The following WDR75 variants were observed in gnomAD, a reference collection of about 807,000 sequenced individuals.
WDR75 encodes WD repeat-containing protein 75.
WDR75 carries 52 observed loss-of-function variants against 106.1 expected under a neutral mutation model. The observed-to-expected ratio is 0.49, with a 90% confidence interval of 0.39 to 0.62. The LOEUF (loss-of-function observed/expected upper bound fraction) is 0.62, where lower values mean the gene tolerates loss of function less well. WDR75 is among the 20% of genes least tolerant of loss of function. The probability of loss-of-function intolerance (pLI) is 0.00; values close to 1 mark genes in which losing one functional copy is unlikely to be tolerated. For synonymous variants in WDR75, 333 were observed against 335.5 expected (o/e 0.99, Z 0.08); for missense variants, 905 against 970.3 (o/e 0.93, Z 0.89).
intron 8 of WDR75, among the ~76,000 whole-genome samples, chr2:189,461,568 T>C (rs1686883570): frequency 6.6e-6 from 1 of 152,204 alleles, no homozygotes; most frequent in Non-Finnish European, 1.5e-5. Flanking sequence ...TCTAATTGAC[T>C]TGCTAGTATT....
Position 189,467,557 on chromosome 2 carries a change from C to T in WDR75, c.1537C>T (p.Leu513=), listed in dbSNP as rs954903398. The stretch of plus-strand genomic sequence containing the variant: ...TTGTTTCTCCGAAGATGGTTCTTTA[C>T]TAGCAGTTAGTTTTGAGGAAATAGT... ...NCCFSEDGSL[L]AVSFEEIVTI... is the part of the protein sequence containing the mutation. The change falls in exon 14 of 21, where the codon CTA becomes TTA. Residue 513 remains leucine, a synonymous_variant. Coordinates refer to ENST00000314761, the MANE Select transcript of WDR75 (RefSeq NM_032168.3). 1 of 1,611,438 alleles carries T rather than the reference C, an allele frequency of 6.2e-7. No homozygotes were observed. Among genetic ancestry groups the T allele is most frequent in the African/African-American group, 1.3e-5 (1 of 74,774 alleles).
intron 6 of WDR75, among the ~76,000 whole-genome samples, chr2:189,458,168 C>T (rs1686779566): frequency 6.6e-6 from 1 of 152,098 alleles, no homozygotes; most frequent in Admixed American, 6.5e-5. Context: ...GGTGATCCAC[C>T]CGCCTCAGCC....
chr2:189,449,768 A>G (rs530391203), intron 2 of WDR75: 2 of 984,588 alleles, frequency 2.0e-6, no homozygotes, highest in African/African-American at 1.7e-5. Context: ...ATTGTGATAT[A>G]AATTTCCTAG....
intron 4 of WDR75, among the ~76,000 whole-genome samples, chr2:189,452,329 G>A (rs6725599): frequency 0.065 from 9,869 of 152,208 alleles, 500 homozygotes; most frequent in African/African-American, 0.14. Flanking sequence ...GGAGGCCGAG[G>A]TGGGCAGATC....
chr2:189,442,998 T>G (rs2106108299), intron 1 of WDR75, among the ~76,000 whole-genome samples: 1 of 152,356 alleles, frequency 6.6e-6, no homozygotes, highest in Admixed American at 6.5e-5. Flanking sequence ...AGGTCCATTG[T>G]GTGTTTGATT....
chr2:189,475,475 T>A lies in WDR75; in HGVS notation c.*58T>A. 1.0e-6 allele frequency: 1 copy of A among 980,600 alleles called. No individual in the cohort carries two copies. The highest frequency in any genetic ancestry group is 1.5e-6 in the Non-Finnish European group (1 of 666,910). 60.7% of individuals were successfully genotyped at this position (980,600 alleles called of 1,614,324 possible). ...TGTTTTTGATTGTATGTTGATATTC[T>A]AAAAACATCTATTTTAATGTTATTT... is the stretch of plus-strand genomic sequence containing the variant. On this transcript the variant is annotated 3_prime_UTR_variant, in exon 21 of 21. Transcript: ENST00000314761.
At chr2:189,459,829 T>C (rs976512908) in intron 8 of WDR75, among the ~76,000 whole-genome samples, 58 of 152,306 alleles carry the variant, frequency 3.8e-4, no homozygotes, top group African/African-American at 1.3e-3. Context: ...ATTTTACAGA[T>C]AAAGGAAGTA....
chr2:189,470,883 GTT>G lies in WDR75; in HGVS notation c.2049+8_2049+9del. The G allele has an allele frequency of 6.3e-7, 1 of 1,598,832 alleles. No individual in the cohort carries two copies. Among genetic ancestry groups the G allele is most frequent in the Non-Finnish European group, 8.5e-7 (1 of 1,173,684 alleles). On this transcript the variant is annotated splice_donor_region_variant and intron_variant, in intron 18 of 20. Transcript: ENST00000314761. ...CTCACACCAACAAGCAAACAGGTATGTTTTAGCCATTCATAGCAGGATGTATT... is the reference window on the plus strand; with the variant it reads ...CTCACACCAACAAGCAAACAGGTATGTTAGCCATTCATAGCAGGATGTATT...
At chr2:189,445,536 A>G (rs1686480784) in intron 1 of WDR75, among the ~76,000 whole-genome samples, 1 of 152,196 alleles carries the variant, frequency 6.6e-6, no homozygotes. Flanking sequence ...AAAGACTGAA[A>G]AACTGTCACT....
rs76806717 is a variant in WDR75 at position 189,447,756 on chromosome 2, A to C, written c.87-623A>C. On this transcript the variant is annotated intron_variant, in intron 1 of 20. Transcript: ENST00000314761. ...TGGTCATAGATGTCCCCATAGACAA[A>C]AGGCACACAAATTTGAGTATACAAT... Among the ~76,000 whole-genome samples the C allele has an allele frequency of 2.0e-3, 310 of 152,366 alleles. 3 individuals are homozygous for C. Among genetic ancestry groups the C allele is most frequent in the African/African-American group, 7.2e-3 (298 of 41,578 alleles).
At chr2:189,456,849 G>C (rs1174568981) in intron 5 of WDR75, among the ~76,000 whole-genome samples, 1 of 152,140 alleles carries the variant, frequency 6.6e-6, no homozygotes, top group Non-Finnish European at 1.5e-5. Context: ...TCAATAGTAT[G>C]ATTATTCTTT....
rs532290249 is a variant in WDR75 at position 189,465,062 on chromosome 2, T to C, written c.1114-17T>C. 1 of 1,531,474 alleles carries C rather than the reference T, an allele frequency of 6.5e-7. No individual in the cohort carries two copies. Among genetic ancestry groups the C allele is most frequent in the African/African-American group, 1.4e-5 (1 of 71,754 alleles). 94.9% of individuals were successfully genotyped at this position (1,531,474 alleles called of 1,614,324 possible). A position where few individuals can be genotyped will look rare whatever the true frequency, so the allele number is the denominator to read the frequency against. Reference sequence around the variant, plus strand: ...GTTAATAAACATTTTGGTTTTTTGGTTTTTTTTACTCATCAGTTAGATATT... The same window carrying C: ...GTTAATAAACATTTTGGTTTTTTGGCTTTTTTTACTCATCAGTTAGATATT... On this transcript the variant is annotated splice_polypyrimidine_tract_variant and intron_variant, in intron 11 of 20. Coordinates refer to ENST00000314761, the MANE Select transcript of WDR75 (RefSeq NM_032168.3).
chr2:189,462,774 C>A, intron 9 of WDR75, 132 bp downstream of exon 9: 2 of 788,000 alleles, frequency 2.5e-6, no homozygotes, highest in Non-Finnish European at 3.8e-6. Flanking sequence ...CTTTTCCTTG[C>A]ATTACTCCTC....
At chr2:189,446,550 C>A (rs933628346) in intron 1 of WDR75, among the ~76,000 whole-genome samples, 1 of 152,170 alleles carries the variant, frequency 6.6e-6, no homozygotes, top group African/African-American at 2.4e-5. Context: ...TTATAAGATG[C>A]ATTCTAATTT....
chr2:189,449,840 C>T (rs776118693), intron 2 of WDR75: 29 of 984,796 alleles, frequency 2.9e-5, no homozygotes, highest in Non-Finnish European at 3.4e-5. Flanking sequence ...TTACATTCCT[C>T]TTCTCTGAGT....
At position 189,459,418 on chromosome 2, in the gene WDR75, G is replaced by A. The variant is rs1451953592; in HGVS notation, c.772G>A (p.Val258Met). The change falls in exon 8 of 21, where the codon GTG (valine) becomes ATG (methionine). Residue 258 changes from valine to methionine, a missense_variant. Physicochemically the swap from Val to Met is conservative, Grantham distance 21. Transcript: ENST00000314761. ...HDMVMDLAFS[V>M]TGTSLLSGGR... Reference sequence around the variant, plus strand: ...TATGGTTATGGATTTGGCTTTTTCAGTGACAGGTAAGTGCGGGTTTAATTA... The same window carrying A: ...TATGGTTATGGATTTGGCTTTTTCAATGACAGGTAAGTGCGGGTTTAATTA... 3 of 1,611,482 alleles carry A rather than the reference G, an allele frequency of 1.9e-6. No individual in the cohort carries two copies. The African/African-American group carries it at 4.0e-5, about 22-fold the overall frequency.
intron 1 of WDR75, among the ~76,000 whole-genome samples, chr2:189,444,005 C>CT (rs1375684459): frequency 2.0e-5 from 3 of 152,062 alleles, no homozygotes; most frequent in Non-Finnish European, 4.4e-5. Context: ...GTTATTAACT[C>CT]TAAGGTACCT....
chr2:189,465,221 T>C lies in WDR75; in HGVS notation c.1256T>C (p.Met419Thr), dbSNP rs1415897234. The C allele has an allele frequency of 1.7e-5, 28 of 1,612,874 alleles. No individual in the cohort carries two copies. Among genetic ancestry groups the C allele is most frequent in the Non-Finnish European group, 2.2e-5 (26 of 1,179,272 alleles). The change falls in exon 12 of 21, where the codon ATG (methionine) becomes ACG (threonine). Residue 419 changes from methionine to threonine, a missense_variant. Transcript: ENST00000314761. ...AAGGAAACTGAGCTTGAATTGCAAATGAAACTGTGGATGTATAATAAGAAA... is the reference window on the plus strand; with the variant it reads ...AAGGAAACTGAGCTTGAATTGCAAACGAAACTGTGGATGTATAATAAGAAA... ...QEKETELELQ[M>T]KLWMYNKKTQ... is the part of the protein sequence containing the mutation.
chr2:189,457,241 C>CA lies in WDR75; in HGVS notation c.499-60dup, dbSNP rs369356472. 7,901 of 899,940 alleles carry CA rather than the reference C, an allele frequency of 8.8e-3. 4 individuals are homozygous for CA. Among genetic ancestry groups the CA allele is most frequent in the African/African-American group, 0.015 (685 of 46,598 alleles). 55.7% of individuals were successfully genotyped at this position (899,940 alleles called of 1,614,324 possible). ...GGGGGACAAGAGCGAGACTTTGTCT[C>CA]AAAAAAAAAAGAAAAAAAAAAGAGT... On this transcript the variant is annotated intron_variant, in intron 5 of 20. Coordinates refer to ENST00000314761, the MANE Select transcript of WDR75 (RefSeq NM_032168.3).
Sources: allele counts gnomAD v4.1 joint callset (sites outside exome capture counted in the v4.1 genomes callset), GRCh38; gene constraint gnomAD v4.1.1; transcripts MANE v1.5; gene names NCBI Gene and HGNC (gene_info 2026-07-23, HGNC 2026-07-21).